The following METTL15 variants were observed in gnomAD, a reference collection of about 807,000 sequenced individuals.
METTL15 encodes the protein 12S rRNA N(4)-cytidine methyltransferase METTL15.
Under a neutral mutation model 38.3 loss-of-function variants are expected in METTL15, and 34 were observed. The observed-to-expected ratio is 0.89, with a 90% CI of 0.68 to 1.18. The LOEUF (loss-of-function observed/expected upper bound fraction) is 1.18. Among genes scored for constraint, METTL15 ranks in the 50% most tolerant of loss-of-function variants. METTL15 has a pLI of 0.00. For missense variants in METTL15, 438 were observed against 498.4 expected (o/e 0.88, Z 1.15); for synonymous variants, 162 against 170.9 (o/e 0.95, Z 0.41).
intron 3 of METTL15, among the ~76,000 whole-genome samples, chr11:28,159,152 A>T (rs530116350): frequency 5.6e-4 from 86 of 152,232 alleles, no homozygotes; most frequent in South Asian, 2.1e-3. Context: ...GAAACTTAAG[A>T]TTGCTACCTG....
intron 5 of METTL15, among the ~76,000 whole-genome samples, chr11:28,385,570 T>A (rs1850431080): frequency 6.6e-6 from 1 of 152,174 alleles, no homozygotes; most frequent in Non-Finnish European, 1.5e-5. Context: ...TCAAGTTGGG[T>A]AACATGATGC....
chr11:28,112,735 G>T (rs889836271), intron 2 of METTL15, among the ~76,000 whole-genome samples: 14 of 152,102 alleles, frequency 9.2e-5, no homozygotes, highest in African/African-American at 3.4e-4. Flanking sequence ...CAGGGTACAG[G>T]GAGATGATCT....
intron 6 of METTL15, among the ~76,000 whole-genome samples, chr11:28,517,930 C>CT (rs1851732762): frequency 6.6e-6 from 1 of 152,198 alleles, no homozygotes; most frequent in Admixed American, 6.5e-5. Context: ...AAACTTCAAA[C>CT]TTGAGCAAAC....
At chr11:28,186,373 TTA>T (rs1851494306) in intron 3 of METTL15, among the ~76,000 whole-genome samples, 2 of 151,320 alleles carry the variant, frequency 1.3e-5, no homozygotes, top group Admixed American at 1.3e-4. Context: ...AAAAATGATT[TTA>T]TGTCTTCAGA....
chr11:28,299,362 AT>A (rs1212516206), intron 6 of METTL15, among the ~76,000 whole-genome samples: 5 of 152,074 alleles, frequency 3.3e-5, no homozygotes, highest in Admixed American at 6.6e-5. Context: ...ATTTGATTGA[AT>A]TTTTTTTAAG....
chr11:28,245,918 C>T (rs144373606), intron 4 of METTL15, among the ~76,000 whole-genome samples: 13 of 152,238 alleles, frequency 8.5e-5, no homozygotes, highest in African/African-American at 2.6e-4. Flanking sequence ...ATCCAATCAC[C>T]TCCCACTAGA....
At chr11:28,181,259 A>ATTTTTTTTTTTTTTTTTTTTTTTTT (rs71449171) in intron 3 of METTL15, among the ~76,000 whole-genome samples, 2 of 133,798 alleles carry the variant, frequency 1.5e-5, no homozygotes, top group African/African-American at 2.7e-5. Flanking sequence ...TTAATTTTTA[A>ATTTTTTTTTTTTTTTTTTTTTTTTT]TTTTTTTTTT....
chr11:28,522,045 A>T (rs1851769289), intron 6 of METTL15, among the ~76,000 whole-genome samples: 1 of 152,182 alleles, frequency 6.6e-6, no homozygotes, highest in South Asian at 2.1e-4. Context: ...GAGGTAGTGA[A>T]ATGAATGCTG....
chr11:28,201,706 T>C (rs1270108165), intron 3 of METTL15, among the ~76,000 whole-genome samples: 2 of 150,884 alleles, frequency 1.3e-5, no homozygotes, highest in African/African-American at 4.9e-5. Context: ...GTAGTTTGTA[T>C]TTCTGGGGGA....
Position 28,483,008 on chromosome 11 carries a change from C to G in METTL15, c.*425-43470C>G, listed in dbSNP as rs1194566447. Among the ~76,000 whole-genome samples the G allele has an allele frequency of 5.9e-5, 9 of 151,962 alleles. 1 individual carries two copies. The highest frequency in any genetic ancestry group is 3.3e-4 in the Admixed American group (5 of 15,268). On this transcript the variant is annotated intron_variant and NMD_transcript_variant, in intron 6 of 7. Transcript: ENST00000532947. Reference sequence around the variant, plus strand: ...CTCTCCTCTTCTTCCCTTTTTCCTGCCCCCACATAACCATACTTCAGTGAA... The same window carrying G: ...CTCTCCTCTTCTTCCCTTTTTCCTGGCCCCACATAACCATACTTCAGTGAA...
At position 28,331,826 on chromosome 11, in the gene METTL15, T is replaced by C. The variant is rs918183538; in HGVS notation, c.*985T>C. 2.6e-5 allele frequency: 4 copies of C among 152,190 alleles called. No homozygotes were observed. The highest frequency in any genetic ancestry group is 7.2e-5 in the African/African-American group (3 of 41,458). 9.4% of individuals were successfully genotyped at this position (152,190 alleles called of 1,614,324 possible). On this transcript the variant is annotated 3_prime_UTR_variant, in exon 7 of 7. Transcript: ENST00000407364. ...AGTAATATGTACTTCTAATTTATTA[T>C]TTATACTTAAATTGTGACCTGAAAG...
downstream of METTL15, among the ~76,000 whole-genome samples, chr11:28,335,750 G>T (rs942341426): frequency 1.3e-5 from 2 of 152,098 alleles, no homozygotes; most frequent in African/African-American, 4.8e-5. Context: ...CTTGCCTTGT[G>T]ATTACACACC....
At chr11:28,216,863 C>T (rs1852904480) in intron 4 of METTL15, among the ~76,000 whole-genome samples, 1 of 149,298 alleles carries the variant, frequency 6.7e-6, no homozygotes, top group Non-Finnish European at 1.5e-5. Context: ...TTTCCAGCCT[C>T]ATCCATGTCC....
chr11:28,510,275 C>G (rs1237868441), intron 6 of METTL15, among the ~76,000 whole-genome samples: 1 of 152,092 alleles, frequency 6.6e-6, no homozygotes, highest in Admixed American at 6.5e-5. Context: ...AAGCACAGTA[C>G]TAGATACCAT....
At chr11:28,422,680 T>A (rs1220982211) in intron 5 of METTL15, among the ~76,000 whole-genome samples, 8 of 151,974 alleles carry the variant, frequency 5.3e-5, no homozygotes, top group Non-Finnish European at 7.4e-5. Context: ...TCCCTTGCCA[T>A]ATACAAAAAT....
chr11:28,395,763 T>A (rs921460674), intron 5 of METTL15, among the ~76,000 whole-genome samples: 23 of 152,148 alleles, frequency 1.5e-4, no homozygotes, highest in African/African-American at 5.5e-4. Flanking sequence ...AGCATCATCC[T>A]GATACCAAAG....
intron 3 of METTL15, among the ~76,000 whole-genome samples, chr11:28,341,274 C>A (rs995466040): frequency 7.2e-5 from 11 of 152,072 alleles, no homozygotes; most frequent in Admixed American, 2.0e-4. Context: ...ACCTATGTGA[C>A]CTGCACGTTC....
In METTL15 at chr11:28,520,155, C is replaced by T. The variant is rs536857056; in HGVS notation, c.*425-6323C>T. Among the ~76,000 whole-genome samples, 9 of 152,132 alleles carry T rather than the reference C, an allele frequency of 5.9e-5. No homozygotes were observed. The East Asian group carries it at 1.2e-3, about 20-fold the overall frequency. ...AGGAATTAATGACCAGCCTGGGCAA[C>T]GTGGTGAGACCTTGTCTCCACAAAT... On this transcript the variant is annotated intron_variant and NMD_transcript_variant, in intron 6 of 7. Coordinates refer to the METTL15 transcript ENST00000532947.
At chr11:28,259,513 C>A (rs1248961470) in intron 4 of METTL15, among the ~76,000 whole-genome samples, 3 of 152,178 alleles carry the variant, frequency 2.0e-5, no homozygotes, top group Non-Finnish European at 2.9e-5. Flanking sequence ...GCCCAGAGCT[C>A]TTTATCCGTT....
Sources: gnomAD v4.1 joint callset for allele counts (sites outside exome capture counted in the v4.1 genomes callset) on GRCh38, gnomAD v4.1.1 for gene constraint, MANE v1.5 for transcripts, NCBI Gene and HGNC (gene_info 2026-07-23, HGNC 2026-07-21) for gene names.